CLYBL: variants seen among roughly 807,000 people sequenced by gnomAD.
CLYBL encodes the protein citramalyl-CoA lyase.
Under a neutral mutation model 38.9 loss-of-function variants are expected in CLYBL, and 31 were observed. That is an observed-to-expected ratio of 0.80 (90% CI 0.60 to 1.08). The LOEUF (loss-of-function observed/expected upper bound fraction) is 1.08. Ranked by LOEUF, CLYBL falls within the 50% of genes least tolerant of loss-of-function variation. The pLI is 0.00. For synonymous variants in CLYBL, 171 were observed against 158.6 expected (o/e 1.08, Z -0.59); for missense variants, 434 against 411.6 (o/e 1.05, Z -0.47).
At chr13:99,884,800 C>T (rs1376328708) in intron 7 of CLYBL, among the ~76,000 whole-genome samples, 1 of 152,188 alleles carries the variant, frequency 6.6e-6, no homozygotes, top group Non-Finnish European at 1.5e-5. Flanking sequence ...AGCCCCATAT[C>T]CCTGAGACCA....
At chr13:99,614,633 G>A (rs2046680295) in intron 1 of CLYBL, among the ~76,000 whole-genome samples, 1 of 152,100 alleles carries the variant, frequency 6.6e-6, no homozygotes, top group Non-Finnish European at 1.5e-5. Flanking sequence ...GCCTCACCTT[G>A]GCCTCTGGCT....
downstream of CLYBL, among the ~76,000 whole-genome samples, chr13:99,899,768 A>G (rs1039105631): frequency 3.3e-5 from 5 of 152,228 alleles, no homozygotes; most frequent in African/African-American, 7.2e-5. Flanking sequence ...AGCACCTAGC[A>G]TCATGCTTGG....
chr13:99,889,909 C>T (rs2052444514), intron 7 of CLYBL, among the ~76,000 whole-genome samples: 1 of 152,166 alleles, frequency 6.6e-6, no homozygotes, highest in South Asian at 2.1e-4. Context: ...AATGGACCAT[C>T]ATCAATGTGC....
intron 2 of CLYBL, among the ~76,000 whole-genome samples, chr13:99,778,232 A>G (rs968278305): frequency 6.6e-6 from 1 of 152,068 alleles, no homozygotes; most frequent in East Asian, 1.9e-4. Flanking sequence ...TCTCAAAGTC[A>G]CCTCTTAATC....
At chr13:99,836,247 CAG>C (rs1278552888) in intron 2 of CLYBL, among the ~76,000 whole-genome samples, 1 of 152,080 alleles carries the variant, frequency 6.6e-6, no homozygotes, top group Admixed American at 6.5e-5. Context: ...CGAAGGAGGA[CAG>C]AGACGCAGAT....
intron 1 of CLYBL, among the ~76,000 whole-genome samples, chr13:99,631,267 A>T (rs2046939833): frequency 6.6e-6 from 1 of 151,586 alleles, no homozygotes; most frequent in Non-Finnish European, 1.5e-5. Flanking sequence ...AGTTGCAGTG[A>T]CCTGAGATAG....
Position 99,866,297 on chromosome 13 carries a change from T to C in CLYBL, c.692T>C (p.Val231Ala). 1 of 1,614,112 alleles carries C rather than the reference T, an allele frequency of 6.2e-7. No homozygotes were observed. The highest frequency in any genetic ancestry group is 8.5e-7 in the Non-Finnish European group (1 of 1,180,032). The change falls in exon 6 of 9, where the codon GTC becomes GCC. Residue 231 changes from valine to alanine, a missense_variant. Coordinates refer to ENST00000339105, the MANE Select transcript of CLYBL (RefSeq NM_206808.5). ...DILYARQKIV[V>A]IAKAFGLQAI... Reference sequence around the variant, plus strand: ...CTCTACGCCCGGCAAAAGATTGTTGTCATAGCGAAAGCCTTTGGTCTCCAA... The same window carrying C: ...CTCTACGCCCGGCAAAAGATTGTTGCCATAGCGAAAGCCTTTGGTCTCCAA...
intron 7 of CLYBL, among the ~76,000 whole-genome samples, chr13:99,875,765 T>A (rs1264337082): frequency 6.6e-6 from 1 of 152,214 alleles, no homozygotes; most frequent in East Asian, 1.9e-4. Context: ...CCTCTGGATT[T>A]ATGAGCAGGA....
chr13:99,723,785 G>A (rs1444419031), intron 1 of CLYBL, among the ~76,000 whole-genome samples: 1 of 152,178 alleles, frequency 6.6e-6, no homozygotes, highest in African/African-American at 2.4e-5. Context: ...AGAAACAGAG[G>A]TGACAAGGTT....
chr13:99,641,399 G>A (rs568659395), intron 1 of CLYBL, among the ~76,000 whole-genome samples: 65 of 152,310 alleles, frequency 4.3e-4, no homozygotes, highest in African/African-American at 1.5e-3. Flanking sequence ...GCCAGGTGCA[G>A]TGGCTCACGC....
chr13:99,894,144 TA>T, downstream of CLYBL: 1 of 152,108 alleles, frequency 6.6e-6, no homozygotes, highest in Non-Finnish European at 1.5e-5. Context: ...AACAAAACTC[TA>T]GGAAGAAGAT....
chr13:99,607,765 A>G (rs1280462161), intron 1 of CLYBL, among the ~76,000 whole-genome samples: 1 of 152,096 alleles, frequency 6.6e-6, no homozygotes, highest in Non-Finnish European at 1.5e-5. Flanking sequence ...ATTTTTTGAG[A>G]CAGAGTCTCG....
chr13:99,654,725 G>T (rs1011023224), intron 1 of CLYBL, among the ~76,000 whole-genome samples: 1 of 152,190 alleles, frequency 6.6e-6, no homozygotes, highest in Non-Finnish European at 1.5e-5. Context: ...AAAATGTCAG[G>T]CCGGATGCCG....
At chr13:99,750,735 T>TTA (rs1555299690) in intron 1 of CLYBL, among the ~76,000 whole-genome samples, 45 of 149,886 alleles carry the variant, frequency 3.0e-4, no homozygotes, top group South Asian at 2.3e-3. Flanking sequence ...CCTCTTTTTT[T>TTA]AAAAAAAAAA....
chr13:99,725,788 G>A (rs2048462427), intron 1 of CLYBL, among the ~76,000 whole-genome samples: 2 of 152,164 alleles, frequency 1.3e-5, no homozygotes. Flanking sequence ...CTCCCGGGGA[G>A]GCATTGTGGT....
intron 1 of CLYBL, among the ~76,000 whole-genome samples, chr13:99,720,896 C>T (rs1368051716): frequency 6.6e-6 from 1 of 152,132 alleles, no homozygotes. Context: ...ACATCTCAGT[C>T]ATAAGTCCTC....
chr13:99,894,957 A>C (rs1168347117), downstream of CLYBL: 1 of 152,132 alleles, frequency 6.6e-6, no homozygotes, highest in Non-Finnish European at 1.5e-5. Flanking sequence ...TCCCAGTGTT[A>C]GTCCTCCCGG....
chr13:99,699,570 G>A (rs2048030326), intron 1 of CLYBL, among the ~76,000 whole-genome samples: 1 of 151,762 alleles, frequency 6.6e-6, no homozygotes, highest in Admixed American at 6.6e-5. Context: ...GCACGCGCCT[G>A]TAATCCCAGC....
rs2052043143 is a variant in CLYBL at position 99,876,410 on chromosome 13, G to A, written c.927+5348G>A. On this transcript the variant is annotated intron_variant, in intron 7 of 8. Transcript: ENST00000339105. ...CAATCCAGCCTGGGTGACAGAACAAGACTCCGTCTCAAAAAAAAAAAAAAA... is the reference window on the plus strand; with the variant it reads ...CAATCCAGCCTGGGTGACAGAACAAAACTCCGTCTCAAAAAAAAAAAAAAA... Among the ~76,000 whole-genome samples, 4 of 98,216 alleles carry A rather than the reference G, an allele frequency of 4.1e-5. No individual in the cohort carries two copies. In the South Asian group the frequency reaches 1.1e-3, roughly 26 times the overall value. The allele number at this position is 98,216 out of a possible 152,430, so 64.4% of individuals were successfully genotyped here. A position where few individuals can be genotyped will look rare whatever the true frequency, so the allele number is the denominator to read the frequency against.
Sources: allele counts gnomAD v4.1 joint callset (sites outside exome capture counted in the v4.1 genomes callset), GRCh38; gene constraint gnomAD v4.1.1; transcripts MANE v1.5; gene names NCBI Gene and HGNC (gene_info 2026-07-23, HGNC 2026-07-21).